The following FLG variants were observed in gnomAD, a reference collection of about 807,000 sequenced individuals.
The protein encoded by FLG is filaggrin, also known as epidermal filaggrin.
FLG carries 6 observed loss-of-function variants against 3.8 expected under a neutral mutation model. The observed-to-expected ratio is 1.60, with a 90% CI of 0.87 to 3.15. The LOEUF (loss-of-function observed/expected upper bound fraction) is 3.15, where lower values mean the gene tolerates loss of function less well. Ranked by LOEUF, FLG falls within the 30% of genes most tolerant of loss-of-function variation. FLG has a pLI of 0.00. For missense variants in FLG, 7,595 were observed against 5,050.9 expected, an observed-to-expected ratio of 1.50 and a Z score of -15.27; for synonymous variants, 2,551 against 1,931.6, an observed-to-expected ratio of 1.32 and a Z score of -8.41.
rs2011331 is a variant in FLG at position 152,313,526 on chromosome 1, T to C, written c.1360A>G (p.Thr454Ala). ...GLRQQSHQES[T>A]RGRSGERSGR... Reference sequence around the variant, plus strand: ...GACCGTTCCCCTGACCGGCCACGTGTGGACTCTTGGTGGCTCTGCTGTCTC... The same window carrying C: ...GACCGTTCCCCTGACCGGCCACGTGCGGACTCTTGGTGGCTCTGCTGTCTC... The change falls in exon 3 of 3, where the codon ACA becomes GCA. Residue 454 changes from threonine (T) to alanine (A), a missense_variant. Thr to Ala is a moderately conservative substitution (Grantham distance 58). Transcript: ENST00000368799. 355,151 of 1,613,488 alleles carry C rather than the reference T, an allele frequency of 0.22. 52,116 individuals are homozygous for C. The highest frequency in any genetic ancestry group is 0.62 in the East Asian group (27,703 of 44,758).
rs758622982 is a variant in FLG at position 152,306,337 on chromosome 1, C to A, written c.8549G>T (p.Gly2850Val). The change falls in exon 3 of 3, where the codon GGC becomes GTC. Residue 2850 changes from glycine to valine, a missense_variant. Gly to Val is a moderately radical substitution (Grantham distance 109). Transcript: ENST00000368799. The part of the protein sequence containing the change: ...TTRNEEQSGD[G>V]SRHSGSRHHE... ...GTGACGCGACCCTGAGTGCCTGGAGCCGTCTCCTGATTGTTCCTCATTACG... is the reference window on the plus strand; with the variant it reads ...GTGACGCGACCCTGAGTGCCTGGAGACGTCTCCTGATTGTTCCTCATTACG... The A allele has an allele frequency of 6.2e-7, 1 of 1,602,040 alleles. No individual in the cohort carries two copies. Among genetic ancestry groups the A allele is most frequent in the South Asian group, 1.1e-5 (1 of 91,052 alleles).
At position 152,314,043 on chromosome 1, in the gene FLG, C is replaced by G; in HGVS notation, c.843G>C (p.Gln281His). ...VNRSRHENTS[Q>H]VPLQESRTRK... ...TTGTCCTGGACTCCTGCAATGGTAC[C>G]TGGCTTGTATTTTCATGTCTTGACC... Residue 281 changes from glutamine (Q) to histidine (H), a missense_variant, in exon 3 of 3, where the codon CAG (glutamine) becomes CAC (histidine). Transcript: ENST00000368799. 3 of 1,614,190 alleles carry G rather than the reference C, an allele frequency of 1.9e-6. No individual in the cohort carries two copies. Among genetic ancestry groups the G allele is most frequent in the South Asian group, 2.2e-5 (2 of 91,086 alleles).
Position 152,313,336 on chromosome 1 carries a change from C to G in FLG, c.1550G>C (p.Arg517Pro), listed in dbSNP as rs553216612. The G allele has an allele frequency of 1.9e-6, 3 of 1,613,468 alleles. No homozygotes were observed. Among genetic ancestry groups the G allele is most frequent in the South Asian group, 2.2e-5 (2 of 91,032 alleles). The change falls in exon 3 of 3, where the codon CGT becomes CCT. Residue 517 changes from arginine to proline, a missense_variant. Transcript: ENST00000368799. ...TCCTCTGCTTGACCCCGGGTGTCCA[C>G]GAATGGTGTCCTGACCCTCTTGGGA... ...SASQEGQDTIRGHPGSSRGGR... is the reference protein window; with the variant it reads ...SASQEGQDTIPGHPGSSRGGR...
At position 152,310,803 on chromosome 1, in the gene FLG, G is replaced by A. The variant is rs1652355595; in HGVS notation, c.4083C>T (p.His1361=). ...GTCTGGAGCTGTCTGCTGACTGCTGGTGGCGGGATCCATGTCTTTCTCCTG... is the reference window on the plus strand; with the variant it reads ...GTCTGGAGCTGTCTGCTGACTGCTGATGGCGGGATCCATGTCTTTCTCCTG... ...SSPGERHGSR[H]QQSADSSRHS... The change falls in exon 3 of 3, where the codon CAC becomes CAT. Residue 1361 remains histidine, a synonymous_variant. Coordinates refer to ENST00000368799, the MANE Select transcript of FLG (RefSeq NM_002016.2). 6.2e-7 allele frequency: 1 copy of A among 1,611,776 alleles called. No individual in the cohort carries two copies. The highest frequency in any genetic ancestry group is 1.1e-5 in the South Asian group (1 of 90,926).
Position 152,309,448 on chromosome 1 carries a change from A to G in FLG, c.5438T>C (p.Ile1813Thr), listed in dbSNP as rs1220805996. 1 of 1,612,300 alleles carries G rather than the reference A, an allele frequency of 6.2e-7. No individual in the cohort carries two copies. Among genetic ancestry groups the G allele is most frequent in the African/African-American group, 1.3e-5 (1 of 74,392 alleles). The change falls in exon 3 of 3, where the codon ATT (isoleucine) becomes ACT (threonine). Residue 1813 changes from isoleucine (I) to threonine (T), a missense_variant. Coordinates refer to ENST00000368799, the MANE Select transcript of FLG (RefSeq NM_002016.2). ...HSASQEGQDTIRGHPGSSRGG... is the reference protein window; with the variant it reads ...HSASQEGQDTTRGHPGSSRGG... ...TCTGCTTGACCCTGGGTGTCCACGAATGGTGTCCTGACCCTCTTGGGACGC... is the reference window on the plus strand; with the variant it reads ...TCTGCTTGACCCTGGGTGTCCACGAGTGGTGTCCTGACCCTCTTGGGACGC...
In FLG at chr1:152,309,707, C is replaced by T. The variant is rs750879496; in HGVS notation, c.5179G>A (p.Glu1727Lys). Residue 1727 changes from glutamate to lysine, a missense_variant, in exon 3 of 3, where the codon GAA (glutamate) becomes AAA (lysine). Coordinates refer to ENST00000368799, the MANE Select transcript of FLG (RefSeq NM_002016.2). The stretch of plus-strand genomic sequence containing the variant: ...GACACTGACTGTGTGTCTGACTCTT[C>T]TGAGTGTCCCTCGCTGTCACTGGCC... ...SQASDSEGHSEESDTQSVSAH... is the reference protein window; with the variant it reads ...SQASDSEGHSKESDTQSVSAH... 3 of 1,614,072 alleles carry T rather than the reference C, an allele frequency of 1.9e-6. No homozygotes were observed. The highest frequency in any genetic ancestry group is 1.7e-6 in the Non-Finnish European group (2 of 1,180,004).
rs144617788 is a variant in FLG, at chr1:152,324,923, C to A, written c.-22+266G>T. Among the ~76,000 whole-genome samples the A allele has an allele frequency of 1.6e-4, 24 of 151,882 alleles. No individual in the cohort carries two copies. The East Asian group carries it at 4.7e-3, about 29-fold the overall frequency. ...CACTGCTGCATAGATAGAGCCAAGA[C>A]CAAGTAGAAGGTAGTTAATACATAT... is the stretch of plus-strand genomic sequence containing the variant. On this transcript the variant is annotated intron_variant, in intron 1 of 2. Transcript: ENST00000368799.
At chr1:152,316,071 T>C (rs917119013) in intron 1 of FLG, among the ~76,000 whole-genome samples, 4 of 152,190 alleles carry the variant, frequency 2.6e-5, no homozygotes, top group African/African-American at 9.7e-5. Flanking sequence ...CATTTTGCCA[T>C]TTAAGGAATG....
rs1360396565 is a variant in FLG, at chr1:152,311,390, G to C, written c.3496C>G (p.Arg1166Gly). The change falls in exon 3 of 3, where the codon CGT becomes GGT. Residue 1166 changes from arginine to glycine, a missense_variant. Coordinates refer to ENST00000368799, the MANE Select transcript of FLG (RefSeq NM_002016.2). ...CCTCTCCTTGACCCCGGGTGTGCACGAATGGTGTCCTGACCCTCTTGGGAC... is the reference window on the plus strand; with the variant it reads ...CCTCTCCTTGACCCCGGGTGTGCACCAATGGTGTCCTGACCCTCTTGGGAC... ...SASQEGQDTI[R>G]AHPGSRRGGR... 2 of 1,613,644 alleles carry C rather than the reference G, an allele frequency of 1.2e-6. No individual in the cohort carries two copies. The highest frequency in any genetic ancestry group is 1.1e-5 in the South Asian group (1 of 91,046).
Position 152,314,248 on chromosome 1 carries a change from C to A in FLG, c.638G>T (p.Gly213Val), listed in dbSNP as rs907401722. The A allele has an allele frequency of 6.2e-7, 1 of 1,613,384 alleles. No homozygotes were observed. Among genetic ancestry groups the A allele is most frequent in the Non-Finnish European group, 8.5e-7 (1 of 1,179,816 alleles). Residue 213 changes from glycine to valine, a missense_variant, in exon 3 of 3, where the codon GGA (glycine) becomes GTA (valine). Transcript: ENST00000368799. ...TCCTGTATTTTCATAATCATATACT[C>A]CTTCTTCATTGTCTTCTTTCTCTTC... is the stretch of plus-strand genomic sequence containing the variant. ...RLEEKEDNEE[G>V]VYDYENTGRM... is the part of the protein sequence containing the mutation.
rs1652596745 is a variant in FLG, at chr1:152,313,358, G to T, written c.1528C>A (p.Gln510Lys). ...CCACGAATGGTGTCCTGACCCTCTT[G>T]GGACGCTGAATGCCTGGAGCTGTCT... The part of the protein sequence containing the change: ...ARDSSRHSAS[Q>K]EGQDTIRGHP... The change falls in exon 3 of 3, where the codon CAA (glutamine) becomes AAA (lysine). Residue 510 changes from glutamine (Q) to lysine (K), a missense_variant. Coordinates refer to ENST00000368799, the MANE Select transcript of FLG (RefSeq NM_002016.2). 2.5e-6 allele frequency: 4 copies of T among 1,613,346 alleles called. No individual in the cohort carries two copies. The highest frequency in any genetic ancestry group is 1.3e-5 in the African/African-American group (1 of 74,656).
chr1:152,307,432 G>C lies in FLG; in HGVS notation c.7454C>G (p.Ser2485Cys), dbSNP rs1652049957. 5 of 1,613,138 alleles carry C rather than the reference G, an allele frequency of 3.1e-6. No homozygotes were observed. The highest frequency in any genetic ancestry group is 1.3e-5 in the African/African-American group (1 of 74,762). The change falls in exon 3 of 3, where the codon TCT becomes TGT. Residue 2485 changes from serine (S) to cysteine (C), a missense_variant. Ser to Cys is a moderately radical substitution (Grantham distance 112). Coordinates refer to ENST00000368799, the MANE Select transcript of FLG (RefSeq NM_002016.2). ...GCTGTGATGAGACCCTGAGTGTCCA[G>C]ATCTATCTACCAATTGCTCGTAGTG... ...GSHYEQLVDR[S>C]GHSGSHHSHT...
chr1:152,303,741 G>A lies in FLG; in HGVS notation c.11145C>T (p.Ser3715=), dbSNP rs753827999. 3 of 1,613,978 alleles carry A rather than the reference G, an allele frequency of 1.9e-6. No homozygotes were observed. Among genetic ancestry groups the A allele is most frequent in the East Asian group, 2.2e-5 (1 of 44,842 alleles). Reference sequence around the variant, plus strand: ...GGGCAGACTCAGACTGTTCATGAGTGCTCACCTGGTAGAGGAAAGACCCTG... The same window carrying A: ...GGGCAGACTCAGACTGTTCATGAGTACTCACCTGGTAGAGGAAAGACCCTG... ...GRSGSFLYQV[S]THEQSESAHG... is the part of the protein sequence containing the mutation. The change falls in exon 3 of 3, where the codon AGC becomes AGT. Residue 3715 remains serine, a synonymous_variant. Transcript: ENST00000368799.
chr1:152,312,321 G>A lies in FLG; in HGVS notation c.2565C>T (p.Ser855=), dbSNP rs764975644. 6.2e-7 allele frequency: 1 copy of A among 1,613,040 alleles called. No individual in the cohort carries two copies. The highest frequency in any genetic ancestry group is 8.5e-7 in the Non-Finnish European group (1 of 1,179,772). Reference sequence around the variant, plus strand: ...ACCTATCTACCGATTGCTCGTGGTGGGACCCCTGCCTTCCTCTTCTGCTTG... The same window carrying A: ...ACCTATCTACCGATTGCTCGTGGTGAGACCCCTGCCTTCCTCTTCTGCTTG... The part of the protein sequence containing the change: ...PGSSRRGRQG[S]HHEQSVDRSG... The change falls in exon 3 of 3, where the codon TCC becomes TCT. Residue 855 remains serine, a synonymous_variant. Coordinates refer to ENST00000368799, the MANE Select transcript of FLG (RefSeq NM_002016.2).
Position 152,302,421 on chromosome 1 carries a change from C to T in FLG, c.*279G>A, listed in dbSNP as rs1651665802. Reference sequence around the variant, plus strand: ...AACTTAAACTTTCAAAAACATAAAACATTACTTGACCCAGAATCTCCTAAA... The same window carrying T: ...AACTTAAACTTTCAAAAACATAAAATATTACTTGACCCAGAATCTCCTAAA... On this transcript the variant is annotated 3_prime_UTR_variant, in exon 3 of 3. Coordinates refer to ENST00000368799, the MANE Select transcript of FLG (RefSeq NM_002016.2). 2.4e-6 allele frequency: 1 copy of T among 417,282 alleles called. No individual in the cohort carries two copies. The highest frequency in any genetic ancestry group is 4.3e-6 in the Non-Finnish European group (1 of 233,584). The allele number at this position is 417,282 out of a possible 1,614,324, so 25.8% of individuals were successfully genotyped here.
At position 152,305,229 on chromosome 1, in the gene FLG, A is replaced by G. The variant is rs1204632773; in HGVS notation, c.9657T>C (p.Ser3219=). The G allele has an allele frequency of 7.4e-6, 12 of 1,612,842 alleles. No homozygotes were observed. Among genetic ancestry groups the G allele is most frequent in the African/African-American group, 2.7e-5 (2 of 74,590 alleles). Residue 3219 remains serine, a synonymous_variant, in exon 3 of 3, where the codon AGT becomes AGC. Coordinates refer to ENST00000368799, the MANE Select transcript of FLG (RefSeq NM_002016.2). ...RRQGSSVSQD[S]DSEGHSEDSE... is the part of the protein sequence containing the mutation. Reference sequence around the variant, plus strand: ...AGTCTTCTGAATGTCCCTCACTGTCACTGTCCTGGCTCACACTGGATCCCT... The same window carrying G: ...AGTCTTCTGAATGTCCCTCACTGTCGCTGTCCTGGCTCACACTGGATCCCT...
rs931474879 is a variant in FLG, at chr1:152,314,678, C to T, written c.208G>A (p.Asp70Asn). The T allele has an allele frequency of 1.2e-6, 2 of 1,613,976 alleles. No homozygotes were observed. The highest frequency in any genetic ancestry group is 4.5e-5 in the East Asian group (2 of 44,850). The change falls in exon 3 of 3, where the codon GAC becomes AAC. Residue 70 changes from aspartate to asparagine, a missense_variant. Transcript: ENST00000368799. ...HLDIDHNKKI[D>N]FTEFLLMVFK... The stretch of plus-strand genomic sequence containing the variant: ...ACCATCAGAAGAAACTCAGTGAAGT[C>T]AATTTTCTTGTTGTGGTCTATATCC...
rs147368534 is a variant in FLG, at chr1:152,310,997, A to G, written c.3889T>C (p.Ser1297Pro). Reference protein sequence around the residue: ...SGSASRNHHGSSREQSRDGSR... With the variant: ...SGSASRNHHGPSREQSRDGSR... The stretch of plus-strand genomic sequence containing the variant: ...CCATCTCTTGACTGCTCCCGAGAAG[A>G]TCCATGATGGTTTCTGGAAGCAGAC... The change falls in exon 3 of 3, where the codon TCT becomes CCT. Residue 1297 changes from serine (S) to proline (P), a missense_variant. Physicochemically the swap from Ser to Pro is moderately conservative, Grantham distance 74 (BLOSUM62 -1). Coordinates refer to ENST00000368799, the MANE Select transcript of FLG (RefSeq NM_002016.2). 3 of 1,613,442 alleles carry G rather than the reference A, an allele frequency of 1.9e-6. No individual in the cohort carries two copies. The highest frequency in any genetic ancestry group is 1.7e-6 in the Non-Finnish European group (2 of 1,179,902).
chr1:152,313,646 G>A lies in FLG; in HGVS notation c.1240C>T (p.His414Tyr). The A allele has an allele frequency of 6.2e-7, 1 of 1,614,094 alleles. No homozygotes were observed. The highest frequency in any genetic ancestry group is 8.5e-7 in the Non-Finnish European group (1 of 1,180,014). ...GCCTGACTACCGCTAGACCCCCGGTGTCCACGATCGCTGACTGCAGATGAA... is the reference window on the plus strand; with the variant it reads ...GCCTGACTACCGCTAGACCCCCGGTATCCACGATCGCTGACTGCAGATGAA... ...QASSAVSDRGHRGSSGSQASD... is the reference protein window; with the variant it reads ...QASSAVSDRGYRGSSGSQASD... The change falls in exon 3 of 3, where the codon CAC becomes TAC. Residue 414 changes from histidine (H) to tyrosine (Y), a missense_variant. Physicochemically the swap from His to Tyr is moderately conservative, Grantham distance 83. Coordinates refer to ENST00000368799, the MANE Select transcript of FLG (RefSeq NM_002016.2).
Sources: allele counts gnomAD v4.1 joint callset (sites outside exome capture counted in the v4.1 genomes callset), GRCh38; gene constraint gnomAD v4.1.1; transcripts MANE v1.5; gene names NCBI Gene and HGNC (gene_info 2026-07-23, HGNC 2026-07-21).